Variants in PIBF1 observed in about 807,000 individuals in gnomAD.
The protein encoded by PIBF1 is progesterone immunomodulatory binding factor 1.
A neutral mutation model predicts 112.5 loss-of-function variants in PIBF1; 90 were observed. The ratio of observed to expected loss-of-function variants is 0.80; its 90% CI spans 0.67 to 0.95. The LOEUF (loss-of-function observed/expected upper bound fraction) is 0.95. Ranked by LOEUF, PIBF1 falls within the 40% of genes least tolerant of loss-of-function variation. The probability of loss-of-function intolerance (pLI) is 0.00; values close to 1 mark genes in which losing one functional copy is unlikely to be tolerated. For missense variants in PIBF1, 915 were observed against 852.3 expected (o/e 1.07, Z -0.92); for synonymous variants, 301 against 288.6 (o/e 1.04, Z -0.44).
chr13:72,885,696 A>C (rs2039822867), intron 10 of PIBF1, among the ~76,000 whole-genome samples: 1 of 152,024 alleles, frequency 6.6e-6, no homozygotes, highest in African/African-American at 2.4e-5. Context: ...AACATGCCCA[A>C]GTTTTCCCCC....
intron 14 of PIBF1, among the ~76,000 whole-genome samples, chr13:72,936,163 A>G (rs1303746440): frequency 6.6e-6 from 1 of 151,954 alleles, no homozygotes; most frequent in African/African-American, 2.4e-5. Context: ...AGCCTCCCAA[A>G]TACTAGGACT....
chr13:72,868,126 C>T (rs1472979643), intron 10 of PIBF1, among the ~76,000 whole-genome samples: 2 of 151,986 alleles, frequency 1.3e-5, no homozygotes, highest in Non-Finnish European at 2.9e-5. Flanking sequence ...AAGTGAGACC[C>T]CATCTCTGCA....
At chr13:72,899,031 T>A (rs2138602059) in intron 11 of PIBF1, among the ~76,000 whole-genome samples, 1 of 152,140 alleles carries the variant, frequency 6.6e-6, no homozygotes, top group South Asian at 2.1e-4. Flanking sequence ...CTAAAAGAGA[T>A]GGATAAATTC....
chr13:72,860,446 G>A (rs1015722965), intron 10 of PIBF1, among the ~76,000 whole-genome samples: 3 of 150,932 alleles, frequency 2.0e-5, no homozygotes, highest in Admixed American at 6.6e-5. Flanking sequence ...TGGGAATATC[G>A]TATATATTTT....
chr13:72,825,877 G>T (rs2036785903), intron 6 of PIBF1, among the ~76,000 whole-genome samples: 1 of 148,458 alleles, frequency 6.7e-6, no homozygotes, highest in Non-Finnish European at 1.5e-5. Context: ...ACTAGCCAGG[G>T]CAATATAGCA....
chr13:72,951,514 G>T (rs2042295093), intron 14 of PIBF1, among the ~76,000 whole-genome samples: 2 of 152,022 alleles, frequency 1.3e-5, no homozygotes, highest in Admixed American at 6.6e-5. Context: ...TATCTAAGGG[G>T]TGGAAAAACA....
chr13:72,790,153 G>A (rs2034823151), intron 2 of PIBF1, among the ~76,000 whole-genome samples: 2 of 152,024 alleles, frequency 1.3e-5, no homozygotes, highest in South Asian at 4.1e-4. Flanking sequence ...AGTCAGAAAA[G>A]CTATTGGCAA....
chr13:73,011,443 A>G (rs947151159), intron 17 of PIBF1, among the ~76,000 whole-genome samples: 22 of 151,540 alleles, frequency 1.5e-4, no homozygotes, highest in African/African-American at 5.3e-4. Flanking sequence ...GGGAAAAAAG[A>G]ACATTTTGAA....
chr13:72,830,325 G>C (rs561883596), intron 8 of PIBF1, among the ~76,000 whole-genome samples: 1 of 152,200 alleles, frequency 6.6e-6, no homozygotes, highest in African/African-American at 2.4e-5. Flanking sequence ...GAATAGGAGG[G>C]GTGAGAGAGG....
intron 2 of PIBF1, among the ~76,000 whole-genome samples, chr13:72,790,480 ACACACC>A (rs1299892432): frequency 5.1e-4 from 74 of 145,182 alleles, no homozygotes; most frequent in African/African-American, 1.9e-3. Context: ...GATAGATCAC[ACACACC>A]CTTATAGATA....
intron 17 of PIBF1, among the ~76,000 whole-genome samples, chr13:73,015,618 A>T (rs1191295336): frequency 2.6e-5 from 4 of 152,220 alleles, no homozygotes; most frequent in African/African-American, 9.6e-5. Flanking sequence ...AAATAATTGC[A>T]TCCCCAGAAA....
At chr13:72,943,082 A>C (rs1343470756) in intron 14 of PIBF1, among the ~76,000 whole-genome samples, 1 of 152,222 alleles carries the variant, frequency 6.6e-6, no homozygotes, top group Non-Finnish European at 1.5e-5. Flanking sequence ...AATAACACTT[A>C]GATGAGATAC....
At chr13:72,854,270 CTAATTTTCATTTCAA>C in intron 10 of PIBF1, 115 bp downstream of exon 10, 2 of 640,078 alleles carry the variant, frequency 3.1e-6, no homozygotes, top group South Asian at 2.1e-5. Flanking sequence ...TGAGGAGAGA[CTAATTTTCATTTCAA>C]TAATTTTCAT....
At chr13:72,786,135 A>T (rs924224893) in intron 2 of PIBF1, among the ~76,000 whole-genome samples, 1 of 152,214 alleles carries the variant, frequency 6.6e-6, no homozygotes, top group African/African-American at 2.4e-5. Context: ...GGTGTATACT[A>T]ATAATAAACT....
chr13:72,837,793 AT>A lies in PIBF1; in HGVS notation c.1223+2430del, dbSNP rs1202339120. 3.3e-5 allele frequency among the ~76,000 whole-genome samples: 5 copies of A among 151,440 alleles called. No individual in the cohort carries two copies. In the East Asian group the frequency reaches 9.6e-4, roughly 29 times the overall value. On this transcript the variant is annotated intron_variant, in intron 9 of 17. Coordinates refer to ENST00000326291, the MANE Select transcript of PIBF1 (RefSeq NM_006346.4). The stretch of plus-strand genomic sequence containing the variant: ...ATGGAATTATGCTGTATACACATAT[AT>A]TTTTGTGGCTTCTTCACATAACCTT...
chr13:72,951,771 T>TA (rs1303552398), intron 14 of PIBF1, among the ~76,000 whole-genome samples: 1 of 152,150 alleles, frequency 6.6e-6, no homozygotes, highest in Admixed American at 6.6e-5. Context: ...TTCACTGCCC[T>TA]AAAAATCCCG....
rs1220831067 is a variant in PIBF1, at chr13:72,783,588, G to A, written c.119G>A (p.Arg40Gln). Residue 40 changes from arginine (R) to glutamine (Q), a missense_variant, in exon 2 of 18, where the codon CGA becomes CAA. Coordinates refer to ENST00000326291, the MANE Select transcript of PIBF1 (RefSeq NM_006346.4). ...GATGATATTTCCTCATCAGAAGAGCGAGAGGGCAAAGTCAGAATCACCAGG... is the reference window on the plus strand; with the variant it reads ...GATGATATTTCCTCATCAGAAGAGCAAGAGGGCAAAGTCAGAATCACCAGG... ...PTDDISSSEE[R>Q]EGKVRITRQL... 9.9e-6 allele frequency: 16 copies of A among 1,613,908 alleles called. No homozygotes were observed. Among genetic ancestry groups the A allele is most frequent in the South Asian group, 2.2e-5 (2 of 91,086 alleles).
At chr13:72,951,427 A>G (rs1241360337) in intron 14 of PIBF1, among the ~76,000 whole-genome samples, 1 of 152,214 alleles carries the variant, frequency 6.6e-6, no homozygotes, top group East Asian at 1.9e-4. Flanking sequence ...TAAGTTCCAA[A>G]TAAAGCAACT....
rs1156334355 is a variant in PIBF1, at chr13:72,844,728, TACACACACACACACACACAC to T, written c.1224-9276_1224-9257del. On this transcript the variant is annotated intron_variant, in intron 9 of 17. Transcript: ENST00000326291. ...TTATAAAAGCATCTGTAATTTTATT[TACACACACACACACACACAC>T]ACACACACACACACACACACACACA... is the stretch of plus-strand genomic sequence containing the variant. 9.9e-3 allele frequency among the ~76,000 whole-genome samples: 525 copies of T among 53,236 alleles called. 7 individuals are homozygous for T. Among genetic ancestry groups the T allele is most frequent in the South Asian group, 0.013 (15 of 1,164 alleles). The allele number at this position is 53,236 out of a possible 152,430, so 34.9% of individuals were successfully genotyped here.
Sources: allele counts gnomAD v4.1 joint callset (sites outside exome capture counted in the v4.1 genomes callset), GRCh38; gene constraint gnomAD v4.1.1; transcripts MANE v1.5; gene names NCBI Gene and HGNC (gene_info 2026-07-23, HGNC 2026-07-21).